F12: variants seen among roughly 807,000 people sequenced by gnomAD.
F12 encodes the protein coagulation factor XII, also known as Hageman factor.
Under a neutral mutation model 74.8 loss-of-function variants are expected in F12, and 70 were observed. The observed-to-expected ratio is 0.94, with a 90% CI of 0.77 to 1.14. The LOEUF (loss-of-function observed/expected upper bound fraction) is 1.14. Ranked by LOEUF, F12 falls within the 50% of genes most tolerant of loss-of-function variation. F12 has a pLI of 0.00. For synonymous variants in F12, 373 were observed against 356.4 expected (o/e 1.05, Z -0.52); for missense variants, 811 against 835.7 (o/e 0.97, Z 0.36).
intron 4 of F12, 102 bp downstream of exon 4, chr5:177,405,633 G>C: frequency 7.7e-7 from 1 of 1,303,320 alleles, no homozygotes; most frequent in Non-Finnish European, 1.1e-6. Flanking sequence ...GGAGAGAAGG[G>C]GCTGGGTCCA....
intron 1 of F12, 35 bp downstream of exon 1, chr5:177,409,436 A>G: frequency 6.2e-7 from 1 of 1,610,304 alleles, no homozygotes; most frequent in Non-Finnish European, 8.5e-7. Flanking sequence ...CCCCCAGAAC[A>G]ATCCTGGGAC....
chr5:177,402,876 G>A, intron 12 of F12, 178 bp from the exon 13 acceptor site: 1 of 886,366 alleles, frequency 1.1e-6, no homozygotes. Context: ...GAGGTCCAGA[G>A]AAAAGCCAGG....
intron 2 of F12, among the ~76,000 whole-genome samples, chr5:177,407,484 C>T (rs1763318668): frequency 6.6e-6 from 1 of 152,092 alleles, no homozygotes; most frequent in African/African-American, 2.4e-5. Context: ...CTGAGATGGA[C>T]CTTTAAGATG....
rs781361568 is a variant in F12, at chr5:177,409,504, C to T, written c.24G>A (p.Gly8=). Residue 8 remains glycine (G), a synonymous_variant, in exon 1 of 14, where the codon GGG becomes GGA. Coordinates refer to ENST00000253496, the MANE Select transcript of F12 (RefSeq NM_000505.4). MRALLLL[G]FLLVSLESTL... is the part of the protein sequence containing the mutation. Reference sequence around the variant, plus strand: ...TTGACTCCAAGCTCACCAGCAGGAACCCCAGGAGCAGCAGAGCCCTCATGG... The same window carrying T: ...TTGACTCCAAGCTCACCAGCAGGAATCCCAGGAGCAGCAGAGCCCTCATGG... 3 of 1,614,130 alleles carry T rather than the reference C, an allele frequency of 1.9e-6. No individual in the cohort carries two copies. The highest frequency in any genetic ancestry group is 3.3e-5 in the Admixed American group (2 of 59,994).
chr5:177,403,554 C>T lies in F12; in HGVS notation c.1314G>A (p.Pro438=), dbSNP rs367761158. The T allele has an allele frequency of 4.2e-5, 67 of 1,601,422 alleles. No homozygotes were observed. The African/African-American group carries it at 8.6e-4, about 20-fold the overall frequency. The change falls in exon 11 of 14, where the codon CCG becomes CCA. Residue 438 remains proline (P), a synonymous_variant. Transcript: ENST00000253496. ...AGGAGCGCACGGCCAACGTCTGGCACGGCTCACAGCTGTGGTTACGGCGTT... is the reference window on the plus strand; with the variant it reads ...AGGAGCGCACGGCCAACGTCTGGCATGGCTCACAGCTGTGGTTACGGCGTT... ...GQERRNHSCE[P]CQTLAVRSYR... is the part of the protein sequence containing the mutation.
chr5:177,404,598 G>A lies in F12; in HGVS notation c.701C>T (p.Ser234Leu), dbSNP rs1277944447. 6 of 1,608,386 alleles carry A rather than the reference G, an allele frequency of 3.7e-6. No individual in the cohort carries two copies. Among genetic ancestry groups the A allele is most frequent in the Middle Eastern group, 1.7e-4 (1 of 6,058 alleles). Residue 234 changes from serine to leucine, a missense_variant, in exon 8 of 14, where the codon TCG (serine) becomes TTG (leucine). Coordinates refer to ENST00000253496, the MANE Select transcript of F12 (RefSeq NM_000505.4). ...SYRGLARTTL[S>L]GAPCQPWASE... ...GGCCCACGGCTGACAGGGCGCACCC[G>A]AGAGCGTGGTCCTGGCCAGGCCGCG... is the stretch of plus-strand genomic sequence containing the variant.
chr5:177,408,495 A>G (rs894319695), intron 2 of F12, among the ~76,000 whole-genome samples: 10 of 152,268 alleles, frequency 6.6e-5, no homozygotes, highest in African/African-American at 2.2e-4. Flanking sequence ...TCCATGCACC[A>G]GGTGATGGGC....
chr5:177,402,905 G>T, intron 12 of F12: 1 of 738,620 alleles, frequency 1.4e-6, no homozygotes, highest in Non-Finnish European at 2.2e-6. Context: ...GGGCGGAGCG[G>T]AAACAGAAAC....
Position 177,404,822 on chromosome 5 carries a change from A to C in F12, c.622T>G (p.Phe208Val). 1.2e-6 allele frequency: 2 copies of C among 1,607,594 alleles called. No individual in the cohort carries two copies. The highest frequency in any genetic ancestry group is 1.7e-6 in the Non-Finnish European group (2 of 1,177,922). ...GACCCTCACTCACCCACGTCGCAGAAGGCTCCGGTGTAGCCCACCGGGCAG... is the reference window on the plus strand; with the variant it reads ...GACCCTCACTCACCCACGTCGCAGACGGCTCCGGTGTAGCCCACCGGGCAG... Reference protein sequence around the residue: ...CHCPVGYTGAFCDVDTKASCY... With the variant: ...CHCPVGYTGAVCDVDTKASCY... Residue 208 changes from phenylalanine (F) to valine (V), a missense_variant, in exon 7 of 14, where the codon TTC becomes GTC. Physicochemically the swap from Phe to Val is conservative, Grantham distance 50. Transcript: ENST00000253496.
chr5:177,403,793 G>T, intron 10 of F12, 66 bp downstream of exon 10: 1 of 1,459,684 alleles, frequency 6.9e-7, no homozygotes, highest in Non-Finnish European at 9.1e-7. Context: ...GGTGCAGCGT[G>T]GAAGCTGCGC....
chr5:177,407,647 A>G (rs1763322342), intron 2 of F12, among the ~76,000 whole-genome samples: 1 of 152,094 alleles, frequency 6.6e-6, no homozygotes, highest in African/African-American at 2.4e-5. Context: ...TTAGCTGAGC[A>G]TGAAGTTGTG....
At chr5:177,403,156 T>C (rs1763182334) in intron 12 of F12, 98 bp downstream of exon 12, 2 of 1,527,472 alleles carry the variant, frequency 1.3e-6, no homozygotes, top group Non-Finnish European at 8.9e-7. Context: ...ACCCATTCTG[T>C]AGGCACCCGG....
intron 1 of F12, 123 bp downstream of exon 1, chr5:177,409,348 C>T (rs2127362642): frequency 1.6e-6 from 2 of 1,252,358 alleles, no homozygotes; most frequent in South Asian, 1.3e-5. Context: ...GCTGGCCTCA[C>T]CTTTCCACAT....
chr5:177,408,842 C>T (rs1188908538), intron 2 of F12, among the ~76,000 whole-genome samples: 3 of 152,238 alleles, frequency 2.0e-5, no homozygotes, highest in Non-Finnish European at 4.4e-5. Flanking sequence ...ATCTCAAGCA[C>T]CTGCTCCGAG....
In F12 at chr5:177,403,306, T is replaced by G. The variant is rs1443330091; in HGVS notation, c.1479A>C (p.Arg493=). The G allele has an allele frequency of 2.5e-6, 4 of 1,597,630 alleles. No homozygotes were observed. Among genetic ancestry groups the G allele is most frequent in the Non-Finnish European group, 2.5e-6 (3 of 1,179,152 alleles). ...CCTGGCAGAGCGTGGTCTCGGAGGGTCGCGCGGCGCCGCTTGGCAGGCACA... is the reference window on the plus strand; with the variant it reads ...CCTGGCAGAGCGTGGTCTCGGAGGGGCGCGCGGCGCCGCTTGGCAGGCACA... ...QPVCLPSGAA[R]PSETTLCQVA... The change falls in exon 12 of 14, where the codon CGA becomes CGC. Residue 493 remains arginine (R), a synonymous_variant. Coordinates refer to ENST00000253496, the MANE Select transcript of F12 (RefSeq NM_000505.4).
Position 177,404,813 on chromosome 5 carries a change from C to A in F12, c.631G>T (p.Val211Leu). Residue 211 changes from valine (V) to leucine (L), a missense_variant, in exon 7 of 14, where the codon GTG becomes TTG. Coordinates refer to ENST00000253496, the MANE Select transcript of F12 (RefSeq NM_000505.4). Reference protein sequence around the residue: ...PVGYTGAFCDVDTKASCYDGR... With the variant: ...PVGYTGAFCDLDTKASCYDGR... ...CTTGCCCCAGACCCTCACTCACCCACGTCGCAGAAGGCTCCGGTGTAGCCC... is the reference window on the plus strand; with the variant it reads ...CTTGCCCCAGACCCTCACTCACCCAAGTCGCAGAAGGCTCCGGTGTAGCCC... The A allele has an allele frequency of 6.2e-7, 1 of 1,605,388 alleles. No individual in the cohort carries two copies. The highest frequency in any genetic ancestry group is 8.5e-7 in the Non-Finnish European group (1 of 1,176,852).
At chr5:177,407,791 A>T (rs1360840084) in intron 2 of F12, among the ~76,000 whole-genome samples, 1 of 151,788 alleles carries the variant, frequency 6.6e-6, no homozygotes, top group Non-Finnish European at 1.5e-5. Context: ...TCTCAAAAAA[A>T]AAAAAAGATG....
Position 177,404,670 on chromosome 5 carries a change from G to A in F12, c.635-6C>T. The A allele has an allele frequency of 6.2e-7, 1 of 1,606,548 alleles. No individual in the cohort carries two copies. Among genetic ancestry groups the A allele is most frequent in the Non-Finnish European group, 8.5e-7 (1 of 1,179,768 alleles). ...ATAGCAGCTTGCCTTGGTGTCTGAG[G>A]AGAAAGGGGGCTCCCTGGGCAGCCA... is the stretch of plus-strand genomic sequence containing the variant. On this transcript the variant is annotated splice_region_variant and splice_polypyrimidine_tract_variant and intron_variant, in intron 7 of 13. Coordinates refer to ENST00000253496, the MANE Select transcript of F12 (RefSeq NM_000505.4).
intron 2 of F12, among the ~76,000 whole-genome samples, 185 bp from the exon 3 acceptor site, chr5:177,406,246 T>C (rs1763287958): frequency 6.6e-6 from 1 of 152,152 alleles, no homozygotes; most frequent in Non-Finnish European, 1.5e-5. Context: ...CCCAGCACTT[T>C]GGGAGGCCAA....
Sources: gnomAD v4.1 joint callset for allele counts (sites outside exome capture counted in the v4.1 genomes callset) on GRCh38, gnomAD v4.1.1 for gene constraint, MANE v1.5 for transcripts, NCBI Gene and HGNC (gene_info 2026-07-23, HGNC 2026-07-21) for gene names.